The following SYNE2 variants were observed in gnomAD, a reference collection of about 807,000 sequenced individuals.
SYNE2 encodes nesprin-2.
Under a neutral mutation model 856.3 loss-of-function variants are expected in SYNE2, and 431 were observed. The observed-to-expected ratio is 0.50, with a 90% CI of 0.47 to 0.55. SYNE2 has a LOEUF of 0.55. SYNE2 is among the 20% of genes least tolerant of loss of function. The pLI is 0.00. For missense variants in SYNE2, 8,129 were observed against 8,023.2 expected (o/e 1.01, Z -0.50); for synonymous variants, 2,923 against 2,872.3 (o/e 1.02, Z -0.56).
intron 1 of SYNE2, among the ~76,000 whole-genome samples, chr14:63,795,847 CA>C: frequency 6.6e-6 from 1 of 152,168 alleles, no homozygotes; most frequent in Non-Finnish European, 1.5e-5. Context: ...GGATGAACAT[CA>C]AACACCTCAT....
At chr14:64,029,597 T>C (rs552264274) in intron 43 of SYNE2, among the ~76,000 whole-genome samples, 1 of 152,348 alleles carries the variant, frequency 6.6e-6, no homozygotes, top group South Asian at 2.1e-4. Context: ...TGATACAATT[T>C]GTAGCTATTT....
rs1287835026 is a variant in SYNE2, at chr14:64,209,518, C to T, written c.18480C>T (p.Ala6160=). 1 of 1,614,102 alleles carries T rather than the reference C, an allele frequency of 6.2e-7. No homozygotes were observed. The highest frequency in any genetic ancestry group is 8.5e-7 in the Non-Finnish European group (1 of 1,180,050). ...DWLKSAERTA[A]CPNSSEVLYT... ...TCAAGTCAGCTGAGAGGACGGCAGC[C>T]TGCCCAAATTCCTCAGAGGTGTTGT... Residue 6160 remains alanine, a synonymous_variant, in exon 102 of 116, where the codon GCC becomes GCT. Transcript: ENST00000555002.
intron 97 of SYNE2, among the ~76,000 whole-genome samples, chr14:64,187,211 T>A (rs936296974): frequency 2.0e-5 from 3 of 152,220 alleles, no homozygotes; most frequent in Non-Finnish European, 4.4e-5. Flanking sequence ...GTCTTAAAGA[T>A]CTTTGTTTTA....
chr14:64,189,043 G>A, intron 98 of SYNE2: 1 of 699,314 alleles, frequency 1.4e-6, no homozygotes, highest in Non-Finnish European at 2.6e-6. Flanking sequence ...TTATTAAGAA[G>A]CTCCCCTTGG....
At position 64,163,561 on chromosome 14, in the gene SYNE2, G is replaced by A; in HGVS notation, c.16459G>A (p.Val5487Met). The change falls in exon 89 of 116, where the codon GTG (valine) becomes ATG (methionine). Residue 5487 changes from valine to methionine, a missense_variant. This residue lies in a region of SYNE2 where 5,410 missense variants were observed against 5,284.8 expected (regional missense o/e 1.02). Coordinates refer to ENST00000555002, the MANE Select transcript of SYNE2 (RefSeq NM_182914.3). ...RAAYLEKMLL[V>M]KANEFEFVLS... Reference sequence around the variant, plus strand: ...TGCTTATTTGGAAAAGATGCTGCTTGTGAAAGCAAATGAATTTGAGGTTCA... The same window carrying A: ...TGCTTATTTGGAAAAGATGCTGCTTATGAAAGCAAATGAATTTGAGGTTCA... 1 of 1,614,142 alleles carries A rather than the reference G, an allele frequency of 6.2e-7. No individual in the cohort carries two copies. Among genetic ancestry groups the A allele is most frequent in the Non-Finnish European group, 8.5e-7 (1 of 1,180,030 alleles).
Position 64,098,029 on chromosome 14 carries a change from C to T in SYNE2, c.12189C>T (p.Thr4063=), listed in dbSNP as rs372251838. Residue 4063 remains threonine (T), a synonymous_variant, in exon 62 of 116, where the codon ACC becomes ACT. Transcript: ENST00000555002. ...KEDLLVDLKA[T]VLNLHQHLKQ... ...ACCTGTTGGTGGACTTGAAGGCCAC[C>T]GTACTAAACCTTCACCAGCATTTGA... 5.5e-5 allele frequency: 89 copies of T among 1,613,958 alleles called. No individual in the cohort carries two copies. The highest frequency in any genetic ancestry group is 2.1e-4 in the South Asian group (19 of 91,084).
At chr14:64,043,457 C>T (rs2097163516) in intron 45 of SYNE2, among the ~76,000 whole-genome samples, 1 of 151,960 alleles carries the variant, frequency 6.6e-6, no homozygotes, top group Non-Finnish European at 1.5e-5. Context: ...TGTCAGAGGT[C>T]TTCACAGCAG....
At chr14:63,817,750 G>A (rs1376663651) in intron 1 of SYNE2, among the ~76,000 whole-genome samples, 1 of 152,112 alleles carries the variant, frequency 6.6e-6, no homozygotes, top group Non-Finnish European at 1.5e-5. Flanking sequence ...CAGGCCAGGC[G>A]TGGTGGCTCA....
intron 52 of SYNE2, among the ~76,000 whole-genome samples, chr14:64,071,268 G>C (rs1219880527): frequency 2.0e-5 from 3 of 151,586 alleles, no homozygotes; most frequent in African/African-American, 7.3e-5. Context: ...GCTGAGGCGG[G>C]CAGATCACGA....
chr14:63,866,106 A>G (rs1428947973), intron 1 of SYNE2, among the ~76,000 whole-genome samples: 1 of 152,164 alleles, frequency 6.6e-6, no homozygotes, highest in South Asian at 2.1e-4. Flanking sequence ...CAAAATACAT[A>G]TAATATGTTC....
chr14:63,923,352 A>C (rs1033765419), intron 2 of SYNE2, among the ~76,000 whole-genome samples: 3 of 152,252 alleles, frequency 2.0e-5, no homozygotes, highest in African/African-American at 7.2e-5. Context: ...TCATGTGGCA[A>C]CACGAGGTTG....
chr14:64,156,059 T>C (rs559231335), intron 85 of SYNE2, among the ~76,000 whole-genome samples: 13 of 152,342 alleles, frequency 8.5e-5, no homozygotes, highest in Non-Finnish European at 1.8e-4. Flanking sequence ...GCCTATACAA[T>C]GCTCAATAAA....
chr14:64,094,763 T>G (rs1018194606), intron 61 of SYNE2, among the ~76,000 whole-genome samples: 8 of 152,230 alleles, frequency 5.3e-5, no homozygotes, highest in African/African-American at 7.2e-5. Context: ...CAGAGAGCTT[T>G]TGTTTATATG....
chr14:64,003,262 T>G lies in SYNE2; in HGVS notation c.4329T>G (p.Ile1443Met). The change falls in exon 30 of 116, where the codon ATT (isoleucine) becomes ATG (methionine). Residue 1443 changes from isoleucine (I) to methionine (M), a missense_variant. By Grantham distance (10) the Ile-to-Met change is conservative. This residue lies in a region of SYNE2 where 2,422 missense variants were observed against 2,357.4 expected (regional missense o/e 1.03). Transcript: ENST00000555002. ...AAAATAATGAACTCCTTAAAAATATTCAAGATGTGCAGAGTCAAATCAGTA... is the reference window on the plus strand; with the variant it reads ...AAAATAATGAACTCCTTAAAAATATGCAAGATGTGCAGAGTCAAATCAGTA... ...IFKNNELLKN[I>M]QDVQSQISKI... 6.2e-7 allele frequency: 1 copy of G among 1,613,926 alleles called. No homozygotes were observed. The highest frequency in any genetic ancestry group is 8.5e-7 in the Non-Finnish European group (1 of 1,179,988).
At chr14:64,154,792 C>CAAAAAAAAAAAAAAAAAAAAACAAAAAAA (rs34020154) in intron 85 of SYNE2, among the ~76,000 whole-genome samples, 1 of 91,118 alleles carries the variant, frequency 1.1e-5, no homozygotes, top group African/African-American at 4.1e-5. Context: ...GACCCTGTCT[C>CAAAAAAAAAAAAAAAAAAAAACAAAAAAA]AAAAAAAAAA....
chr14:64,051,699 T>C lies in SYNE2; in HGVS notation c.7786T>C (p.Leu2596=), dbSNP rs377350355. ...CGTGACTGACATGGATAAGAAATTG[T>C]TGGAAAGCCAGATTAAGCAACTTGA... ...NHVTDMDKKL[L]ESQIKQLEHG... The change falls in exon 48 of 116, where the codon TTG becomes CTG. Residue 2596 remains leucine (L), a synonymous_variant. Coordinates refer to ENST00000555002, the MANE Select transcript of SYNE2 (RefSeq NM_182914.3). 2.5e-6 allele frequency: 4 copies of C among 1,614,200 alleles called. No individual in the cohort carries two copies. The highest frequency in any genetic ancestry group is 3.4e-6 in the Non-Finnish European group (4 of 1,180,026).
intron 89 of SYNE2, among the ~76,000 whole-genome samples, chr14:64,164,542 C>T (rs1045558022): frequency 6.6e-6 from 1 of 152,236 alleles, no homozygotes; most frequent in Non-Finnish European, 1.5e-5. Context: ...AGCCACTGCT[C>T]TCAGCCTTCA....
At chr14:64,126,988 G>C (rs1595701734) in intron 73 of SYNE2, among the ~76,000 whole-genome samples, 181 bp downstream of exon 73, 2 of 152,238 alleles carry the variant, frequency 1.3e-5, no homozygotes, top group Non-Finnish European at 1.5e-5. Flanking sequence ...GCCGAGTGCA[G>C]TGGCTCACGC....
intron 70 of SYNE2, 161 bp downstream of exon 70, chr14:64,122,588 C>A: frequency 2.2e-6 from 2 of 896,626 alleles, no homozygotes; most frequent in Admixed American, 2.1e-5. Flanking sequence ...CATTAGGAAC[C>A]CTTCCTTTGT....
Sources: allele counts gnomAD v4.1 joint callset (sites outside exome capture counted in the v4.1 genomes callset), GRCh38; gene constraint gnomAD v4.1.1; regional missense constraint gnomAD v4.1.1; transcripts MANE v1.5; gene names NCBI Gene and HGNC (gene_info 2026-07-23, HGNC 2026-07-21).